Variants in SNAP91 observed in about 807,000 individuals in gnomAD.
The protein encoded by SNAP91 is clathrin coat assembly protein AP180.
SNAP91 carries 27 observed loss-of-function variants against 100.3 expected under a neutral mutation model. The observed-to-expected ratio is 0.27, with a 90% CI of 0.20 to 0.37. SNAP91 has a LOEUF of 0.37. SNAP91 is among the 10% of genes least tolerant of loss of function. The pLI, the probability that SNAP91 is intolerant of heterozygous loss-of-function variation, is 1.00. For missense variants in SNAP91, 986 were observed against 1,123.7 expected (o/e 0.88, Z 1.75); for synonymous variants, 404 against 398.6 (o/e 1.01, Z -0.16).
chr6:83,556,384 A>G lies in SNAP91; in HGVS notation c.2632-139T>C, dbSNP rs1234729566. 3 of 517,040 alleles carry G rather than the reference A, an allele frequency of 5.8e-6. No individual in the cohort carries two copies. The African/African-American group carries it at 6.0e-5, about 10-fold the overall frequency. The allele number at this position is 517,040 out of a possible 1,614,324, so 32.0% of individuals were successfully genotyped here. On this transcript the variant is annotated intron_variant, in intron 28 of 29. Transcript: ENST00000369694. ...GAGAGAGAGAGAGAGAGAGAGAGAG[A>G]GAGAGAGAGAGAAAAGCATTAGGCA...
intron 8 of SNAP91, among the ~76,000 whole-genome samples, chr6:83,635,208 C>G (rs1050097444): frequency 6.6e-6 from 1 of 152,148 alleles, no homozygotes; most frequent in African/African-American, 2.4e-5. Flanking sequence ...TTTTCTGCCT[C>G]AATGATCTGT....
intron 2 of SNAP91, chr6:83,686,337 A>G (rs2099060095): frequency 4.1e-6 from 1 of 241,832 alleles, no homozygotes; most frequent in African/African-American, 2.3e-5. Context: ...TATTTATATA[A>G]CTCTCAATAA....
intron 7 of SNAP91, among the ~76,000 whole-genome samples, chr6:83,650,472 G>A (rs189949987): frequency 6.6e-6 from 1 of 152,262 alleles, no homozygotes; most frequent in African/African-American, 2.4e-5. Context: ...AGGCTGGAGT[G>A]CAGTGGCACA....
chr6:83,653,866 A>T (rs1034220905), intron 7 of SNAP91, among the ~76,000 whole-genome samples: 3 of 152,084 alleles, frequency 2.0e-5, no homozygotes, highest in African/African-American at 7.2e-5. Flanking sequence ...GACAAAATAG[A>T]TGTAGTGGGC....
chr6:83,600,481 T>C (rs142691024), intron 16 of SNAP91, among the ~76,000 whole-genome samples: 36 of 152,310 alleles, frequency 2.4e-4, no homozygotes, highest in African/African-American at 7.7e-4. Context: ...TCACTTGACG[T>C]ATGTGTTTGA....
chr6:83,680,086 A>G (rs2098966519), intron 2 of SNAP91, among the ~76,000 whole-genome samples: 3 of 152,308 alleles, frequency 2.0e-5, no homozygotes, highest in Admixed American at 2.0e-4. Context: ...TATTTACAGA[A>G]CCTTCTGGGT....
intron 24 of SNAP91, among the ~76,000 whole-genome samples, chr6:83,576,423 C>T (rs936372858): frequency 2.0e-5 from 3 of 152,202 alleles, no homozygotes; most frequent in African/African-American, 7.2e-5. Context: ...GCCTACACTA[C>T]TATTTGTACA....
chr6:83,648,769 G>A (rs1450294569), intron 7 of SNAP91, among the ~76,000 whole-genome samples: 1 of 152,012 alleles, frequency 6.6e-6, no homozygotes, highest in Non-Finnish European at 1.5e-5. Context: ...CTTTTGTAGT[G>A]TCTGTTCAAA....
intron 2 of SNAP91, among the ~76,000 whole-genome samples, chr6:83,694,639 G>A (rs754852782): frequency 1.3e-5 from 2 of 152,178 alleles, no homozygotes; most frequent in Non-Finnish European, 2.9e-5. Context: ...GAACCTGGGA[G>A]CTTTAGTTCA....
intron 7 of SNAP91, among the ~76,000 whole-genome samples, chr6:83,642,022 T>C (rs1410178454): frequency 1.3e-5 from 2 of 152,174 alleles, no homozygotes; most frequent in Non-Finnish European, 2.9e-5. Context: ...ATTCAGTCAA[T>C]AATTATTGAC....
chr6:83,630,141 G>T (rs762880674), intron 8 of SNAP91, among the ~76,000 whole-genome samples: 8 of 151,916 alleles, frequency 5.3e-5, no homozygotes, highest in Non-Finnish European at 1.2e-4. Context: ...CTGATTATGT[G>T]GTGTATCACA....
At chr6:83,670,907 A>C (rs1030396421) in intron 2 of SNAP91, among the ~76,000 whole-genome samples, 3 of 151,942 alleles carry the variant, frequency 2.0e-5, no homozygotes, top group African/African-American at 7.2e-5. Flanking sequence ...ATTACTATAA[A>C]TTTATCATAA....
intron 5 of SNAP91, among the ~76,000 whole-genome samples, chr6:83,659,407 T>C (rs1166567003): frequency 6.6e-6 from 1 of 151,390 alleles, no homozygotes; most frequent in African/African-American, 2.4e-5. Context: ...GTAATAGTGT[T>C]GAAAAGTATG....
chr6:83,570,005 C>T lies in SNAP91; in HGVS notation c.2442+5005G>A, dbSNP rs199685666. Reference sequence around the variant, plus strand: ...TAAAAATGGTATCAGTAGAGTGGAGCGCTGCAGAAAAGCCACCCAAAAATG... The same window carrying T: ...TAAAAATGGTATCAGTAGAGTGGAGTGCTGCAGAAAAGCCACCCAAAAATG... On this transcript the variant is annotated intron_variant, in intron 26 of 29. Transcript: ENST00000369694. Among the ~76,000 whole-genome samples the T allele has an allele frequency of 2.2e-4, 33 of 152,012 alleles. No homozygotes were observed. In the East Asian group the frequency reaches 2.9e-3, roughly 13 times the overall value.
chr6:83,611,720 G>A (rs540426541), intron 11 of SNAP91, among the ~76,000 whole-genome samples: 9 of 149,772 alleles, frequency 6.0e-5, no homozygotes, highest in South Asian at 2.1e-4. Flanking sequence ...TTTTTGAGAC[G>A]GAGTCTCACT....
intron 2 of SNAP91, among the ~76,000 whole-genome samples, chr6:83,676,491 A>G (rs1039065538): frequency 6.6e-6 from 1 of 152,216 alleles, no homozygotes; most frequent in South Asian, 2.1e-4. Flanking sequence ...CAGGCAGAGG[A>G]AAGCAGCAAA....
At chr6:83,681,594 A>C (rs757736992) in intron 2 of SNAP91, among the ~76,000 whole-genome samples, 43 of 152,220 alleles carry the variant, frequency 2.8e-4, no homozygotes, top group Non-Finnish European at 5.6e-4. Context: ...AGAAAACATC[A>C]AGGGAAAAAC....
At chr6:83,556,340 G>GGAGGGAGAGA (rs377148872) in intron 28 of SNAP91, 95 bp from the exon 29 acceptor site, 1 of 47,518 alleles carries the variant, frequency 2.1e-5, no homozygotes, top group Non-Finnish European at 3.4e-5. Context: ...AGAGGGAGAG[G>GGAGGGAGAGA]GGGAGAGAGA....
chr6:83,634,033 A>G (rs966896150), intron 8 of SNAP91, among the ~76,000 whole-genome samples: 1 of 152,136 alleles, frequency 6.6e-6, no homozygotes, highest in Non-Finnish European at 1.5e-5. Context: ...GCACACCAAC[A>G]TGGCACATGT....
Sources: allele counts gnomAD v4.1 joint callset (sites outside exome capture counted in the v4.1 genomes callset), GRCh38; gene constraint gnomAD v4.1.1; transcripts MANE v1.5; gene names NCBI Gene and HGNC (gene_info 2026-07-23, HGNC 2026-07-21).